CSF1R: variants seen among roughly 807,000 people sequenced by gnomAD.
CSF1R encodes the protein macrophage colony-stimulating factor 1 receptor.
Under a neutral mutation model 110.0 loss-of-function variants are expected in CSF1R, and 40 were observed. That is an observed-to-expected ratio of 0.36 (90% confidence interval 0.28 to 0.47). CSF1R has a LOEUF of 0.47. CSF1R is among the 20% of genes least tolerant of loss of function. CSF1R has a pLI of 0.99. For missense variants in CSF1R, 1,052 were observed against 1,253.0 expected, an observed-to-expected ratio of 0.84 and a Z score of 2.42; for synonymous variants, 523 against 503.4, an observed-to-expected ratio of 1.04 and a Z score of -0.52.
chr5:150,053,652 A>C lies in CSF1R; in HGVS notation c.*417T>G, dbSNP rs1246791922. On this transcript the variant is annotated 3_prime_UTR_variant, in exon 21 of 21. Transcript: ENST00000675795. The stretch of plus-strand genomic sequence containing the variant: ...CATCTGCTGCTCCTCTCAGAGAGGG[A>C]GATCTCACTCTCTGCCAGTCTGTCT... 1 of 287,996 alleles carries C rather than the reference A, an allele frequency of 3.5e-6. No homozygotes were observed. The highest frequency in any genetic ancestry group is 6.6e-6 in the Non-Finnish European group (1 of 151,598). 17.8% of individuals were successfully genotyped at this position (287,996 alleles called of 1,614,324 possible).
intron 1 of CSF1R, among the ~76,000 whole-genome samples, chr5:150,112,393 T>A (rs1006102481): frequency 6.6e-6 from 1 of 152,200 alleles, no homozygotes; most frequent in Non-Finnish European, 1.5e-5. Context: ...TGGATAGTGG[T>A]AGTCAGATTT....
rs1172020243 is a variant in CSF1R, at chr5:150,054,306, G to T, written c.2763+16C>A. ...GTGCTTTACCGGCCACCCACCCCAA[G>T]CCTCACCCCACTCACCCGCTCTCTC... On this transcript the variant is annotated intron_variant, in intron 20 of 20. Coordinates refer to ENST00000675795, the MANE Select transcript of CSF1R (RefSeq NM_001288705.3). 3.1e-6 allele frequency: 5 copies of T among 1,614,066 alleles called. No homozygotes were observed. Among genetic ancestry groups the T allele is most frequent in the Non-Finnish European group, 4.2e-6 (5 of 1,180,004 alleles).
upstream of CSF1R, among the ~76,000 whole-genome samples, chr5:150,087,024 C>A (rs1008123248): frequency 3.3e-5 from 5 of 152,188 alleles, no homozygotes; most frequent in Non-Finnish European, 5.9e-5. Flanking sequence ...GTTGCCCAGG[C>A]TGGAGCTCTG....
intron 1 of CSF1R, among the ~76,000 whole-genome samples, chr5:150,111,560 AAC>A (rs1759717698): frequency 6.6e-6 from 1 of 152,190 alleles, no homozygotes. Context: ...CTCTTGGGGA[AAC>A]ACAGTACCAG....
At chr5:150,102,013 T>C (rs962553139) in intron 1 of CSF1R, among the ~76,000 whole-genome samples, 1 of 152,216 alleles carries the variant, frequency 6.6e-6, no homozygotes, top group African/African-American at 2.4e-5. Context: ...GGATGTACCA[T>C]AATTTATCTC....
rs559594128 is a variant in CSF1R at position 150,065,855 on chromosome 5, C to G, written c.1626+2360G>C. ...CCCGTGGAGAGGGGATACAGAGTTC[C>G]TAAACCACAGCCAAGGGGGCTGGCC... is the stretch of plus-strand genomic sequence containing the variant. On this transcript the variant is annotated intron_variant, in intron 10 of 20. Transcript: ENST00000675795. 1.1e-3 allele frequency among the ~76,000 whole-genome samples: 169 copies of G among 152,300 alleles called. 1 individual carries two copies. Among genetic ancestry groups the G allele is most frequent in the Admixed American group, 2.0e-3 (31 of 15,306 alleles).
At chr5:150,083,751 C>A (rs547083938) in intron 1 of CSF1R, among the ~76,000 whole-genome samples, 1 of 152,280 alleles carries the variant, frequency 6.6e-6, no homozygotes, top group Non-Finnish European at 1.5e-5. Context: ...TATTCCTAAG[C>A]AGATAGCGAC....
rs775029262 is a variant in CSF1R at position 150,070,458 on chromosome 5, C to G, written c.1196G>C (p.Arg399Pro). ...WRALTFELTL[R>P]YPPEVSVIWT... Reference sequence around the variant, plus strand: ...TGGCGCTCGGCCCCAGCACTCACATCGAAGGGTGAGCTCAAACGTCAGAGC... The same window carrying G: ...TGGCGCTCGGCCCCAGCACTCACATGGAAGGGTGAGCTCAAACGTCAGAGC... Residue 399 changes from arginine (R) to proline (P), a missense_variant and splice_region_variant, in exon 7 of 21, where the codon CGA becomes CCA. Physicochemically the swap from Arg to Pro is moderately radical, Grantham distance 103. This residue lies in a region of CSF1R where 693 missense variants were observed against 735.4 expected (regional missense o/e 0.94). Coordinates refer to ENST00000675795, the MANE Select transcript of CSF1R (RefSeq NM_001288705.3). 2 of 1,554,856 alleles carry G rather than the reference C, an allele frequency of 1.3e-6. No homozygotes were observed. The highest frequency in any genetic ancestry group is 1.4e-5 in the African/African-American group (1 of 73,328).
intron 3 of CSF1R, among the ~76,000 whole-genome samples, chr5:150,079,289 C>T (rs944645391): frequency 2.0e-5 from 3 of 152,214 alleles, no homozygotes; most frequent in Non-Finnish European, 4.4e-5. Context: ...GGCTTCAGAT[C>T]CCAGTGGCAT....
intron 10 of CSF1R, among the ~76,000 whole-genome samples, chr5:150,064,125 G>A (rs897419359): frequency 2.0e-5 from 3 of 152,148 alleles, no homozygotes; most frequent in African/African-American, 7.2e-5. Flanking sequence ...GCATAAAGAT[G>A]GCACCAACAG....
rs146384643 is a variant in CSF1R at position 150,111,173 on chromosome 5, G to A, written c.-181+2088C>T. Among the ~76,000 whole-genome samples, 176 of 152,346 alleles carry A rather than the reference G, an allele frequency of 1.2e-3. 1 individual carries two copies. The highest frequency in any genetic ancestry group is 4.1e-3 in the African/African-American group (170 of 41,580). ...TGCCCTGATTCAAAGAAGAAGGGAC[G>A]TGAATGGGAGCTGTGAGACCCTCAT... On this transcript the variant is annotated intron_variant, in intron 1 of 21. Coordinates refer to the CSF1R transcript ENST00000286301.
At chr5:150,086,957 G>A (rs1486058058), upstream of CSF1R, among the ~76,000 whole-genome samples, 1 of 152,188 alleles carries the variant, frequency 6.6e-6, no homozygotes, top group Admixed American at 6.5e-5. Flanking sequence ...AATCTCCAAA[G>A]TAATGCATAT....
At position 150,086,537 on chromosome 5, in the gene CSF1R, C is replaced by T; in HGVS notation, c.-110G>A. On this transcript the variant is annotated 5_prime_UTR_variant, in exon 1 of 21. Transcript: ENST00000675795. ...CGGGACACTGGACACACGTTCCTCT[C>T]CTCTGCACTGGCTGTTTGTCTTGTT... 1.0e-6 allele frequency: 1 copy of T among 996,048 alleles called. No individual in the cohort carries two copies. Among genetic ancestry groups the T allele is most frequent in the South Asian group, 1.4e-5 (1 of 69,480 alleles). 61.7% of individuals were successfully genotyped at this position (996,048 alleles called of 1,614,324 possible).
intron 1 of CSF1R, 63 bp from the exon 2 acceptor site, chr5:150,081,087 G>A: frequency 6.3e-7 from 1 of 1,575,358 alleles, no homozygotes; most frequent in Admixed American, 1.7e-5. Flanking sequence ...GGGCCGTCCT[G>A]ACTCTGAGAT....
intron 1 of CSF1R, among the ~76,000 whole-genome samples, chr5:150,105,447 C>G (rs1759528301): frequency 6.7e-6 from 1 of 148,386 alleles, no homozygotes; most frequent in African/African-American, 2.5e-5. Context: ...AACTCCTGAC[C>G]TCAAGTGATC....
At chr5:150,080,380 C>G in intron 2 of CSF1R, 44 bp from the exon 3 acceptor site, 1 of 1,591,732 alleles carries the variant, frequency 6.3e-7, no homozygotes, top group Non-Finnish European at 8.6e-7. Context: ...CCTCCCTCCA[C>G]TGGGCCAAGG....
chr5:150,057,226 A>G, intron 16 of CSF1R, 61 bp downstream of exon 16: 2 of 1,477,584 alleles, frequency 1.4e-6, no homozygotes, highest in Middle Eastern at 2.4e-4. Flanking sequence ...ATCGTCACTC[A>G]TCCAGCCTCC....
At chr5:150,062,256 T>C (rs13169324) in intron 10 of CSF1R, among the ~76,000 whole-genome samples, 10,747 of 147,308 alleles carry the variant, frequency 0.073, 1,446 homozygotes, top group East Asian at 0.14. Context: ...CAAATATATA[T>C]ATATATTTTA....
At chr5:150,093,598 C>T (rs922342887) in intron 1 of CSF1R, among the ~76,000 whole-genome samples, 5 of 151,894 alleles carry the variant, frequency 3.3e-5, no homozygotes, top group South Asian at 2.1e-4. Flanking sequence ...AGAAAGAAGA[C>T]CAGATAGAAT....
Sources: gnomAD v4.1 joint callset for allele counts (sites outside exome capture counted in the v4.1 genomes callset) on GRCh38, gnomAD v4.1.1 for gene constraint, gnomAD v4.1.1 regional missense constraint, MANE v1.5 for transcripts, NCBI Gene and HGNC (gene_info 2026-07-23, HGNC 2026-07-21) for gene names.